CECR2: variants seen among roughly 807,000 people sequenced by gnomAD.
CECR2 encodes CECR2 histone acetyl-lysine reader, also known as chromatin remodeling regulator CECR2.
CECR2 carries 30 observed loss-of-function variants against 154.5 expected under a neutral mutation model. That is an observed-to-expected ratio of 0.19 (90% CI 0.15 to 0.26). The LOEUF (loss-of-function observed/expected upper bound fraction) is 0.26, where lower values mean the gene tolerates loss of function less well. Among genes scored for constraint, CECR2 ranks in the 10% least tolerant of loss-of-function variants. CECR2 has a pLI of 1.00. For missense variants in CECR2, 1,743 were observed against 1,829.3 expected, an observed-to-expected ratio of 0.95 and a Z score of 0.86; for synonymous variants, 725 against 683.7, an observed-to-expected ratio of 1.06 and a Z score of -0.94.
intron 1 of CECR2, among the ~76,000 whole-genome samples, chr22:17,375,257 G>T (rs1157226359): frequency 1.3e-5 from 2 of 151,940 alleles, no homozygotes; most frequent in Non-Finnish European, 2.9e-5. Context: ...GGGATTACAG[G>T]CATGCACCAC....
intron 1 of CECR2, among the ~76,000 whole-genome samples, chr22:17,456,931 G>A (rs1442588806): frequency 3.9e-5 from 6 of 152,132 alleles, no homozygotes; most frequent in African/African-American, 9.7e-5. Flanking sequence ...TTAGAATAAG[G>A]GTAGAGTTTC....
At chr22:17,493,816 C>T (rs1310189942) in intron 2 of CECR2, among the ~76,000 whole-genome samples, 1 of 152,236 alleles carries the variant, frequency 6.6e-6, no homozygotes, top group Admixed American at 6.5e-5. Flanking sequence ...CTTTCTCAAC[C>T]TCACATTGGA....
chr22:17,538,488 T>A (rs2147014308), intron 10 of CECR2, 32 bp from the exon 11 acceptor site: 1 of 1,603,566 alleles, frequency 6.2e-7, no homozygotes, highest in East Asian at 2.2e-5. Flanking sequence ...GTGGTCAGAG[T>A]TACTATTAAT....
At chr22:17,413,431 C>T (rs1010988443) in intron 1 of CECR2, among the ~76,000 whole-genome samples, 7 of 152,150 alleles carry the variant, frequency 4.6e-5, no homozygotes, top group East Asian at 1.9e-4. Flanking sequence ...GATTACCTCA[C>T]TTCCTTAAGC....
At chr22:17,442,705 C>T (rs530721272) in intron 1 of CECR2, among the ~76,000 whole-genome samples, 3 of 152,110 alleles carry the variant, frequency 2.0e-5, no homozygotes, top group East Asian at 1.9e-4. Context: ...CCGCCACCAC[C>T]GCCTGGCTAA....
chr22:17,522,060 G>A (rs1387421752), intron 8 of CECR2, among the ~76,000 whole-genome samples: 1 of 152,152 alleles, frequency 6.6e-6, no homozygotes, highest in Non-Finnish European at 1.5e-5. Flanking sequence ...TCATATGGTT[G>A]TAGATGTGTG....
At chr22:17,439,557 A>G (rs1228218719) in intron 1 of CECR2, among the ~76,000 whole-genome samples, 1 of 152,222 alleles carries the variant, frequency 6.6e-6, no homozygotes, top group Non-Finnish European at 1.5e-5. Context: ...AAAATATCTG[A>G]AAAGATCTGA....
At chr22:17,425,754 A>G (rs1230831487) in intron 1 of CECR2, among the ~76,000 whole-genome samples, 4 of 152,206 alleles carry the variant, frequency 2.6e-5, no homozygotes, top group South Asian at 2.1e-4. Flanking sequence ...TAATCTAGAG[A>G]TAAACCAGAT....
chr22:17,414,704 C>T (rs1486246237), intron 1 of CECR2, among the ~76,000 whole-genome samples: 1 of 151,638 alleles, frequency 6.6e-6, no homozygotes, highest in African/African-American at 2.4e-5. Flanking sequence ...GTGATGTTCC[C>T]TTTCCTGTGT....
At chr22:17,465,732 C>G (rs1305302761) in intron 1 of CECR2, among the ~76,000 whole-genome samples, 1 of 152,116 alleles carries the variant, frequency 6.6e-6, no homozygotes, top group Non-Finnish European at 1.5e-5. Context: ...ATCCCCCCGC[C>G]TCAGCCTCCC....
Position 17,504,896 on chromosome 22 carries a change from A to G in CECR2, c.750A>G (p.Glu250=). The G allele has an allele frequency of 1.2e-6, 2 of 1,613,868 alleles. No individual in the cohort carries two copies. Among genetic ancestry groups the G allele is most frequent in the African/African-American group, 2.7e-5 (2 of 75,026 alleles). ...CTTGGTGGCTCCTGTGCCAGACAGA[A>G]GAGGAATGGAGACAGGTCACCGAGA... The part of the protein sequence containing the change: ...QGTWWLLCQT[E]EEWRQVTESF... The change falls in exon 7 of 19, where the codon GAA becomes GAG. Residue 250 remains glutamate, a synonymous_variant. Coordinates refer to ENST00000262608, the MANE Select transcript of CECR2 (RefSeq NM_001290047.2).
Position 17,369,686 on chromosome 22 carries a change from G to T in CECR2, c.-98G>T. On this transcript the variant is annotated 5_prime_UTR_variant, in exon 1 of 19. It adds an upstream start codon to the 5' untranslated region. Transcript: ENST00000262608. ...AGGAGCGCCCCGCCGCCCCCGCCGA[G>T]GACCGCGCGGAGGCTGCGGCGCTGC... The T allele has an allele frequency of 6.7e-6, 1 of 148,366 alleles. No homozygotes were observed. Among genetic ancestry groups the T allele is most frequent in the East Asian group, 2.0e-4 (1 of 5,036 alleles). 9.2% of individuals were successfully genotyped at this position (148,366 alleles called of 1,614,324 possible). A position where few individuals can be genotyped will look rare whatever the true frequency, so the allele number is the denominator to read the frequency against.
At position 17,549,044 on chromosome 22, in the gene CECR2, A is replaced by T. The variant is rs1348919231; in HGVS notation, c.3757A>T (p.Asn1253Tyr). ...MASLQGCETL[N>Y]AALTSPTRMD... ...CAGTCTGCAAGGCTGTGAGACACTG[A>T]ATGCTGCCTTAACTTCTCCAACCCG... Residue 1253 changes from asparagine (N) to tyrosine (Y), a missense_variant, in exon 17 of 19, where the codon AAT (asparagine) becomes TAT (tyrosine). This residue lies in a region of CECR2 where 1,250 missense variants were observed against 1,192.1 expected (regional missense o/e 1.05). Transcript: ENST00000262608. The T allele has an allele frequency of 1.2e-6, 2 of 1,613,876 alleles. No individual in the cohort carries two copies. Among genetic ancestry groups the T allele is most frequent in the African/African-American group, 2.7e-5 (2 of 74,916 alleles).
chr22:17,550,941 CA>C (rs556526060), intron 17 of CECR2, among the ~76,000 whole-genome samples: 16 of 145,090 alleles, frequency 1.1e-4, no homozygotes, highest in South Asian at 2.2e-4. Flanking sequence ...GACTCTGTCT[CA>C]AAAAAAAAAA....
At chr22:17,458,910 G>A (rs2054894938) in intron 1 of CECR2, among the ~76,000 whole-genome samples, 1 of 152,114 alleles carries the variant, frequency 6.6e-6, no homozygotes, top group African/African-American at 2.4e-5. Context: ...TCTCACTTCA[G>A]GAGCTTTAAA....
chr22:17,493,582 T>G (rs141074435), intron 2 of CECR2, among the ~76,000 whole-genome samples: 5 of 152,352 alleles, frequency 3.3e-5, no homozygotes, highest in African/African-American at 1.2e-4. Flanking sequence ...TCTTGGATTG[T>G]AGGCCCTCAG....
chr22:17,380,081 A>G (rs2063169592), intron 1 of CECR2, among the ~76,000 whole-genome samples: 1 of 150,104 alleles, frequency 6.7e-6, no homozygotes, highest in Non-Finnish European at 1.5e-5. Context: ...TTTCTCTTCT[A>G]CTCCCTTGTG....
At position 17,538,429 on chromosome 22, in the gene CECR2, G is replaced by C. The variant is rs570229766; in HGVS notation, c.1239-91G>C. 1.0e-4 allele frequency: 114 copies of C among 1,121,526 alleles called. No individual in the cohort carries two copies. In the East Asian group the frequency reaches 2.7e-3, roughly 26 times the overall value. 69.5% of individuals were successfully genotyped at this position (1,121,526 alleles called of 1,614,324 possible). Reference sequence around the variant, plus strand: ...ACTATTAGGACTATTCCAAATCTTAGTTCAGTCAGGTGTGTCTGCGATAGA... The same window carrying C: ...ACTATTAGGACTATTCCAAATCTTACTTCAGTCAGGTGTGTCTGCGATAGA... On this transcript the variant is annotated intron_variant, in intron 10 of 18. Coordinates refer to ENST00000262608, the MANE Select transcript of CECR2 (RefSeq NM_001290047.2).
chr22:17,547,103 A>G (rs985576500), intron 16 of CECR2, among the ~76,000 whole-genome samples: 1 of 151,522 alleles, frequency 6.6e-6, no homozygotes, highest in African/African-American at 2.4e-5. Context: ...ACACTATTGT[A>G]TATTGTAGTC....
Sources: gnomAD v4.1 joint callset for allele counts (sites outside exome capture counted in the v4.1 genomes callset) on GRCh38, gnomAD v4.1.1 for gene constraint, gnomAD v4.1.1 regional missense constraint, MANE v1.5 for transcripts, NCBI Gene and HGNC (gene_info 2026-07-23, HGNC 2026-07-21) for gene names.